The following DNAH14 variants were observed in gnomAD, a reference collection of about 807,000 sequenced individuals.
DNAH14 encodes the protein axonemal beta dynein heavy chain 14.
Under a neutral mutation model 520.9 loss-of-function variants are expected in DNAH14, and 478 were observed. That is an observed-to-expected ratio of 0.92 (90% confidence interval 0.85 to 0.99). The LOEUF is 0.99. Ranked by LOEUF, DNAH14 falls within the 50% of genes least tolerant of loss-of-function variation. DNAH14 has a pLI of 0.00. For synonymous variants in DNAH14, 1,581 were observed against 1,757.2 expected (o/e 0.90, Z 2.51); for missense variants, 4,831 against 5,234.5 (o/e 0.92, Z 2.38).
chr1:225,016,341 A>G (rs1374007653), intron 10 of DNAH14, among the ~76,000 whole-genome samples: 1 of 152,148 alleles, frequency 6.6e-6, no homozygotes, highest in Non-Finnish European at 1.5e-5. Flanking sequence ...TTCTTGGCTG[A>G]TAGTTTATTT....
chr1:225,144,516 T>C lies in DNAH14; in HGVS notation c.4628T>C (p.Leu1543Pro), dbSNP rs2079743772. Residue 1543 changes from leucine to proline, a missense_variant, in exon 29 of 86, where the codon CTC (leucine) becomes CCC (proline). By Grantham distance (98) the Leu-to-Pro change is moderately conservative. Transcript: ENST00000682510. ...GCTSRLVITP[L>P]TDRCWLTLME... ...ACCTCAAGATTGGTTATTACGCCTC[T>C]CACAGACCGATGCTGGCTGACTCTC... 3 of 1,551,406 alleles carry C rather than the reference T, an allele frequency of 1.9e-6. No homozygotes were observed. Among genetic ancestry groups the C allele is most frequent in the Middle Eastern group, 1.7e-4 (1 of 6,012 alleles).
intron 10 of DNAH14, among the ~76,000 whole-genome samples, chr1:225,007,915 C>T (rs2064310771): frequency 7.4e-6 from 1 of 134,722 alleles, no homozygotes; most frequent in South Asian, 2.7e-4. Flanking sequence ...TGAGGATGTA[C>T]ATTTCTTTTT....
At chr1:224,992,301 A>G (rs967017769) in intron 8 of DNAH14, among the ~76,000 whole-genome samples, 1 of 152,198 alleles carries the variant, frequency 6.6e-6, no homozygotes, top group Non-Finnish European at 1.5e-5. Context: ...TGGCAATTGC[A>G]TTGAATCTGT....
intron 20 of DNAH14, 47 bp from the exon 21 acceptor site, chr1:225,085,497 G>C (rs1261284768): frequency 6.9e-7 from 1 of 1,457,254 alleles, no homozygotes; most frequent in Non-Finnish European, 9.2e-7. Flanking sequence ...GACATATCAG[G>C]AATTATTTGC....
chr1:225,389,955 C>A, intron 83 of DNAH14, 82 bp downstream of exon 83: 1 of 1,292,532 alleles, frequency 7.7e-7, no homozygotes, highest in Non-Finnish European at 1.1e-6. Flanking sequence ...CCCTTTCCTC[C>A]TCCCCTTTAG....
At chr1:225,301,231 G>A (rs1454633585) in intron 56 of DNAH14, among the ~76,000 whole-genome samples, 1 of 152,014 alleles carries the variant, frequency 6.6e-6, no homozygotes, top group African/African-American at 2.4e-5. Context: ...GAGCCTGTCT[G>A]GCTATCAATG....
intron 22 of DNAH14, among the ~76,000 whole-genome samples, chr1:225,099,624 G>T (rs1439843591): frequency 6.6e-6 from 1 of 152,074 alleles, no homozygotes; most frequent in Non-Finnish European, 1.5e-5. Flanking sequence ...AGACATAGTA[G>T]GGGTTTCCAA....
intron 1 of DNAH14, among the ~76,000 whole-genome samples, chr1:224,942,720 G>A (rs889084043): frequency 2.0e-5 from 3 of 147,710 alleles, no homozygotes; most frequent in African/African-American, 7.9e-5. Flanking sequence ...ATGAAGGGTT[G>A]TTGAATTTTG....
At chr1:225,291,678 A>C (rs1425807547) in intron 55 of DNAH14, among the ~76,000 whole-genome samples, 1 of 152,048 alleles carries the variant, frequency 6.6e-6, no homozygotes, top group African/African-American at 2.4e-5. Flanking sequence ...GCTGTACTAG[A>C]TTACATTCCC....
intron 68 of DNAH14, among the ~76,000 whole-genome samples, chr1:225,338,983 A>G (rs1446787058): frequency 6.6e-6 from 1 of 151,950 alleles, no homozygotes; most frequent in African/African-American, 2.4e-5. Context: ...GTCTCTCATC[A>G]AATTATTACT....
intron 41 of DNAH14, among the ~76,000 whole-genome samples, chr1:225,220,051 G>C (rs549720086): frequency 6.6e-6 from 1 of 151,938 alleles, no homozygotes; most frequent in African/African-American, 2.4e-5. Flanking sequence ...AACCAATGTC[G>C]AAAATCATGT....
intron 77 of DNAH14, among the ~76,000 whole-genome samples, chr1:225,372,025 A>C (rs768328912): frequency 9.2e-5 from 14 of 152,192 alleles, no homozygotes; most frequent in Non-Finnish European, 1.5e-5. Flanking sequence ...ATAGAGGCAC[A>C]GTACACCTAA....
At chr1:225,277,956 A>G (rs2093529797) in intron 54 of DNAH14, among the ~76,000 whole-genome samples, 2 of 152,214 alleles carry the variant, frequency 1.3e-5, no homozygotes, top group Non-Finnish European at 2.9e-5. Context: ...AGCCAATTAC[A>G]TAAAGCATAT....
Position 225,275,899 on chromosome 1 carries a change from C to T in DNAH14, c.8011-15C>T, listed in dbSNP as rs2093455942. On this transcript the variant is annotated splice_polypyrimidine_tract_variant and intron_variant, in intron 52 of 85. Coordinates refer to ENST00000682510, the MANE Select transcript of DNAH14 (RefSeq NM_001367479.1). The stretch of plus-strand genomic sequence containing the variant: ...TGCTATTAATGGATAGTGTTAAATT[C>T]TTATCTTACAATAGATTCAGTGGAC... 3.1e-6 allele frequency: 1 copy of T among 319,278 alleles called. No individual in the cohort carries two copies. The highest frequency in any genetic ancestry group is 4.8e-5 in the Admixed American group (1 of 20,960). The allele number at this position is 319,278 out of a possible 1,614,324, so 19.8% of individuals were successfully genotyped here. A position where few individuals can be genotyped will look rare whatever the true frequency, so the allele number is the denominator to read the frequency against.
chr1:225,042,084 ACCGG>A (rs1417563951), intron 12 of DNAH14, among the ~76,000 whole-genome samples: 2 of 152,138 alleles, frequency 1.3e-5, no homozygotes, highest in Admixed American at 6.5e-5. Flanking sequence ...ATGCTCTTTC[ACCGG>A]CAGCTTAATA....
chr1:225,245,946 A>C (rs1248085619), intron 43 of DNAH14, among the ~76,000 whole-genome samples: 1 of 151,876 alleles, frequency 6.6e-6, no homozygotes, highest in Non-Finnish European at 1.5e-5. Context: ...ACAAAGCTAG[A>C]GGCATCACAC....
chr1:225,185,700 T>C (rs2084617274), intron 37 of DNAH14, among the ~76,000 whole-genome samples: 1 of 151,804 alleles, frequency 6.6e-6, no homozygotes, highest in Non-Finnish European at 1.5e-5. Flanking sequence ...AATTGAATCA[T>C]CTTCACATGA....
At chr1:224,939,594 G>C (rs1357390819) in intron 1 of DNAH14, among the ~76,000 whole-genome samples, 2 of 152,148 alleles carry the variant, frequency 1.3e-5, no homozygotes, top group African/African-American at 4.8e-5. Flanking sequence ...TGAGGCAGGA[G>C]AATGGCGTGA....
At chr1:225,365,869 G>A (rs776063122) in intron 76 of DNAH14, among the ~76,000 whole-genome samples, 11 of 152,244 alleles carry the variant, frequency 7.2e-5, no homozygotes, top group South Asian at 2.1e-4. Context: ...GTAGTCCATC[G>A]CTCCACCTCC....
Sources: allele counts gnomAD v4.1 joint callset (sites outside exome capture counted in the v4.1 genomes callset), GRCh38; gene constraint gnomAD v4.1.1; transcripts MANE v1.5; gene names NCBI Gene and HGNC (gene_info 2026-07-23, HGNC 2026-07-21).